LDAH: variants seen among roughly 807,000 people sequenced by gnomAD.
LDAH encodes the protein lipid droplet-associated hydrolase.
A neutral mutation model predicts 29.6 loss-of-function variants in LDAH; 26 were observed. That is an observed-to-expected ratio of 0.88 (90% CI 0.64 to 1.22). LDAH has a LOEUF of 1.22. Among genes scored for constraint, LDAH ranks in the 50% most tolerant of loss-of-function variants. The probability of loss-of-function intolerance (pLI) is 0.00; values close to 1 mark genes in which losing one functional copy is unlikely to be tolerated. For missense variants in LDAH, 344 were observed against 387.3 expected, an observed-to-expected ratio of 0.89 and a Z score of 0.94; for synonymous variants, 117 against 133.0, an observed-to-expected ratio of 0.88 and a Z score of 0.83.
At chr2:20,694,918 C>T (rs1396303266) in intron 6 of LDAH, among the ~76,000 whole-genome samples, 1 of 152,252 alleles carries the variant, frequency 6.6e-6, no homozygotes, top group East Asian at 1.9e-4. Flanking sequence ...TCACGTGAGA[C>T]TGCACTGAGA....
intron 5 of LDAH, among the ~76,000 whole-genome samples, chr2:20,731,042 A>G (rs1184617705): frequency 6.6e-6 from 1 of 152,218 alleles, no homozygotes; most frequent in Non-Finnish European, 1.5e-5. Flanking sequence ...TTGCCTTTCC[A>G]AATACATTTT....
At chr2:20,805,968 A>G in intron 1 of LDAH, among the ~76,000 whole-genome samples, 1 of 152,168 alleles carries the variant, frequency 6.6e-6, no homozygotes, top group South Asian at 2.1e-4. Flanking sequence ...AAAATATTTG[A>G]AAGTGGAGTT....
chr2:20,765,996 T>C (rs1016097222), intron 4 of LDAH, among the ~76,000 whole-genome samples: 3 of 152,068 alleles, frequency 2.0e-5, no homozygotes, highest in Non-Finnish European at 4.4e-5. Flanking sequence ...CCTCCATATA[T>C]CTACCCCTTT....
At chr2:20,692,573 G>A (rs552202385) in intron 6 of LDAH, among the ~76,000 whole-genome samples, 21 of 152,144 alleles carry the variant, frequency 1.4e-4, no homozygotes, top group Non-Finnish European at 2.9e-4. Flanking sequence ...CTAATAAAAT[G>A]AAAGTTTTGC....
At chr2:20,819,876 G>A (rs1673129077) in intron 1 of LDAH, among the ~76,000 whole-genome samples, 1 of 152,184 alleles carries the variant, frequency 6.6e-6, no homozygotes, top group Non-Finnish European at 1.5e-5. Flanking sequence ...CATCGTCTCA[G>A]CCCAAAATCT....
intron 5 of LDAH, among the ~76,000 whole-genome samples, chr2:20,709,576 G>A (rs1664554421): frequency 6.6e-6 from 1 of 152,120 alleles, no homozygotes; most frequent in Admixed American, 6.5e-5. Context: ...ACTGGTACAG[G>A]AACTTTGGAA....
rs180836122 is a variant in LDAH, at chr2:20,715,270, C to T, written c.704-13618G>A. Among the ~76,000 whole-genome samples, 394 of 152,184 alleles carry T rather than the reference C, an allele frequency of 2.6e-3. 5 individuals are homozygous for T. The South Asian group carries it at 0.043, about 17-fold the overall frequency. Reference sequence around the variant, plus strand: ...TAATCCATCGCATAAACAGAACCAACGACAAAAACCACATGATTATCTCAA... The same window carrying T: ...TAATCCATCGCATAAACAGAACCAATGACAAAAACCACATGATTATCTCAA... On this transcript the variant is annotated intron_variant, in intron 5 of 6. Transcript: ENST00000237822.
At chr2:20,789,696 G>A (rs1459424330) in intron 3 of LDAH, among the ~76,000 whole-genome samples, 2 of 152,150 alleles carry the variant, frequency 1.3e-5, no homozygotes, top group Non-Finnish European at 2.9e-5. Flanking sequence ...CAGGAACCCG[G>A]CCACACAGAT....
At chr2:20,779,565 T>A (rs546602511) in intron 3 of LDAH, among the ~76,000 whole-genome samples, 8 of 151,748 alleles carry the variant, frequency 5.3e-5, no homozygotes, top group Non-Finnish European at 1.0e-4. Context: ...TATATAAATA[T>A]ATATAACTAC....
Position 20,740,179 on chromosome 2 carries a change from T to A in LDAH, c.495A>T (p.Pro165=), listed in dbSNP as rs34748076. 1,101 of 1,614,028 alleles carry A rather than the reference T, an allele frequency of 6.8e-4. 7 individuals are homozygous for A. In the African/African-American group the frequency reaches 0.013, roughly 20 times the overall value. ...GTGACTCAGACATTCGTTCAATTGT[T>A]GGAAAGAGCAGAAAGGCACGAATTA... is the stretch of plus-strand genomic sequence containing the variant. ...LPVIRAFLLF[P]TIERMSESPN... Residue 165 remains proline, a synonymous_variant, in exon 5 of 7, where the codon CCA becomes CCT. Coordinates refer to ENST00000237822, the MANE Select transcript of LDAH (RefSeq NM_021925.4).
intron 5 of LDAH, among the ~76,000 whole-genome samples, chr2:20,715,009 G>C (rs1377593553): frequency 6.6e-6 from 1 of 152,134 alleles, no homozygotes; most frequent in Admixed American, 6.5e-5. Context: ...AGAAAAAGAG[G>C]GAATCCTCCC....
intron 5 of LDAH, among the ~76,000 whole-genome samples, chr2:20,723,616 A>G (rs1407471596): frequency 6.6e-6 from 1 of 152,196 alleles, no homozygotes; most frequent in African/African-American, 2.4e-5. Flanking sequence ...TTTTAATAGA[A>G]CACCAGCTTC....
At chr2:20,784,656 G>A (rs950123221) in intron 3 of LDAH, among the ~76,000 whole-genome samples, 4 of 151,922 alleles carry the variant, frequency 2.6e-5, no homozygotes, top group Non-Finnish European at 5.9e-5. Flanking sequence ...AAGCTGAGGC[G>A]GGCAGATCGC....
intron 2 of LDAH, among the ~76,000 whole-genome samples, chr2:20,792,807 G>A (rs1671063142): frequency 6.6e-6 from 1 of 152,084 alleles, no homozygotes; most frequent in South Asian, 2.1e-4. Context: ...ATGCATGCAG[G>A]CATTAAAACC....
intron 5 of LDAH, among the ~76,000 whole-genome samples, chr2:20,722,199 A>G (rs1048752234): frequency 6.6e-6 from 1 of 152,032 alleles, no homozygotes; most frequent in African/African-American, 2.4e-5. Flanking sequence ...AACATGGTGA[A>G]ACCGTCTCTA....
rs142319840 is a variant in LDAH, at chr2:20,739,961, C to T, written c.703+10G>A. On this transcript the variant is annotated intron_variant, in intron 5 of 6. Coordinates refer to ENST00000237822, the MANE Select transcript of LDAH (RefSeq NM_021925.4). ...AGAATAAACATACACATTTTAAAATCTGTGCTTACCAAGGCAGAATGGTTC... is the reference window on the plus strand; with the variant it reads ...AGAATAAACATACACATTTTAAAATTTGTGCTTACCAAGGCAGAATGGTTC... 9 of 1,588,768 alleles carry T rather than the reference C, an allele frequency of 5.7e-6. No individual in the cohort carries two copies. Among genetic ancestry groups the T allele is most frequent in the Non-Finnish European group, 7.8e-6 (9 of 1,157,708 alleles).
At chr2:20,786,431 C>G (rs913038919) in intron 3 of LDAH, among the ~76,000 whole-genome samples, 1 of 152,142 alleles carries the variant, frequency 6.6e-6, no homozygotes, top group South Asian at 2.1e-4. Context: ...CTCAAGCAAT[C>G]TGCTCGCCTC....
intron 5 of LDAH, among the ~76,000 whole-genome samples, chr2:20,718,052 TA>T (rs1289178056): frequency 1.3e-5 from 2 of 151,972 alleles, no homozygotes; most frequent in African/African-American, 4.8e-5. Flanking sequence ...AGCAATGAGT[TA>T]AAACACACTA....
At chr2:20,807,922 T>C (rs1435045432) in intron 1 of LDAH, among the ~76,000 whole-genome samples, 1 of 145,760 alleles carries the variant, frequency 6.9e-6, no homozygotes, top group Non-Finnish European at 1.5e-5. Flanking sequence ...CATGATGACA[T>C]ACATAGAAAA....
Sources: allele counts gnomAD v4.1 joint callset (sites outside exome capture counted in the v4.1 genomes callset), GRCh38; gene constraint gnomAD v4.1.1; transcripts MANE v1.5; gene names NCBI Gene and HGNC (gene_info 2026-07-23, HGNC 2026-07-21).